Variants in RBM20 observed in about 807,000 individuals in gnomAD.
RBM20 encodes RNA-binding protein 20.
In RBM20, 51 loss-of-function variants were observed where a neutral mutation model predicts 110.1. That is an observed-to-expected ratio of 0.46 (90% confidence interval 0.37 to 0.59). RBM20 has a LOEUF of 0.59. RBM20 is among the 20% of genes least tolerant of loss of function. The pLI, the probability that RBM20 is intolerant of heterozygous loss-of-function variation, is 0.00. For missense variants in RBM20, 1,512 were observed against 1,574.9 expected (o/e 0.96, Z 0.68); for synonymous variants, 589 against 618.2 (o/e 0.95, Z 0.70).
intron 1 of RBM20, among the ~76,000 whole-genome samples, chr10:110,671,338 A>G (rs1308833657): frequency 6.6e-6 from 1 of 152,244 alleles, no homozygotes; most frequent in African/African-American, 2.4e-5. Flanking sequence ...TAAGCGTATG[A>G]ATATTTTTAT....
chr10:110,823,297 T>C (rs1844938087), intron 11 of RBM20, among the ~76,000 whole-genome samples, 183 bp from the exon 12 acceptor site: 1 of 152,142 alleles, frequency 6.6e-6, no homozygotes, highest in Non-Finnish European at 1.5e-5. Context: ...TGGAAAAAGC[T>C]CCTAATGACA....
At chr10:110,791,557 C>T (rs901132390) in intron 5 of RBM20, among the ~76,000 whole-genome samples, 1 of 152,194 alleles carries the variant, frequency 6.6e-6, no homozygotes, top group African/African-American at 2.4e-5. Context: ...AATGAAAGGT[C>T]TTAGAATCTT....
At chr10:110,668,602 G>A (rs10885009) in intron 1 of RBM20, among the ~76,000 whole-genome samples, 49,139 of 117,946 alleles carry the variant, frequency 0.42, 8,875 homozygotes, top group East Asian at 0.73. Flanking sequence ...TGGAGGGAGG[G>A]AGAGGAAAAA....
In RBM20 at chr10:110,655,793, G is replaced by T. The variant is rs552250782; in HGVS notation, c.191+11148G>T. Among the ~76,000 whole-genome samples the T allele has an allele frequency of 2.6e-4, 39 of 152,218 alleles. No homozygotes were observed. The South Asian group carries it at 5.8e-3, about 23-fold the overall frequency. ...ATTGTGCCTTTTGATCTGCGACAGG[G>T]TTTACAGTAAAAATCCTTTAAACCA... On this transcript the variant is annotated intron_variant, in intron 1 of 13. Coordinates refer to ENST00000369519, the MANE Select transcript of RBM20 (RefSeq NM_001134363.3).
intron 1 of RBM20, among the ~76,000 whole-genome samples, chr10:110,649,652 A>G (rs1356602996): frequency 6.6e-6 from 1 of 152,166 alleles, no homozygotes; most frequent in Non-Finnish European, 1.5e-5. Context: ...TCTAAATGAT[A>G]TTATTTGGTA....
At chr10:110,706,801 T>C (rs1193917161) in intron 1 of RBM20, among the ~76,000 whole-genome samples, 1 of 152,234 alleles carries the variant, frequency 6.6e-6, no homozygotes, top group East Asian at 1.9e-4. Flanking sequence ...TCCTTTTCTT[T>C]CTCTGTCTTG....
intron 1 of RBM20, among the ~76,000 whole-genome samples, chr10:110,677,217 A>C (rs914281221): frequency 6.6e-6 from 1 of 152,186 alleles, no homozygotes; most frequent in Non-Finnish European, 1.5e-5. Context: ...CCACTCTCAT[A>C]ATAACCCATT....
At chr10:110,746,240 G>T (rs1040861935) in intron 1 of RBM20, among the ~76,000 whole-genome samples, 2 of 152,128 alleles carry the variant, frequency 1.3e-5, no homozygotes, top group Admixed American at 1.3e-4. Flanking sequence ...TGAGGTAGAG[G>T]CTTGGAAGTT....
At chr10:110,799,761 G>A (rs1161196175) in intron 6 of RBM20, 26 bp from the exon 7 acceptor site, 7 of 1,546,058 alleles carry the variant, frequency 4.5e-6, no homozygotes, top group South Asian at 1.2e-5. Context: ...GTCAAGTCCA[G>A]TGAGTGTCCT....
rs377734576 is a variant in RBM20, at chr10:110,727,419, A to AAAAAATAAAAAAAAT, written c.192-53379_192-53378insAATAAAAAAAATAAA. Among the ~76,000 whole-genome samples, 44 of 146,792 alleles carry AAAAAATAAAAAAAAT rather than the reference A, an allele frequency of 3.0e-4. 1 individual carries two copies. Among genetic ancestry groups the AAAAAATAAAAAAAAT allele is most frequent in the Non-Finnish European group, 4.2e-4 (28 of 66,992 alleles). On this transcript the variant is annotated intron_variant, in intron 1 of 13. Coordinates refer to ENST00000369519, the MANE Select transcript of RBM20 (RefSeq NM_001134363.3). ...CGTCTCAAAAAATAAAAATAAAAAA[A>AAAAAATAAAAAAAAT]AAATAAATAAAAAGTCCATCCTGTT...
intron 7 of RBM20, among the ~76,000 whole-genome samples, chr10:110,809,636 G>A (rs1391126547): frequency 6.6e-6 from 1 of 152,142 alleles, no homozygotes; most frequent in East Asian, 1.9e-4. Flanking sequence ...TGGAGCCCTG[G>A]CTGCCTACTA....
rs760246427 is a variant in RBM20 at position 110,758,014 on chromosome 10, C to CTTTTTTTTTTTTTTT, written c.192-22777_192-22763dup. ...AGAAAAGACAGGCAAGATCCTTGTT[C>CTTTTTTTTTTTTTTT]TTTTTTTTTTTTTTTTTTTTTTTTG... On this transcript the variant is annotated intron_variant, in intron 1 of 13. Transcript: ENST00000369519. Among the ~76,000 whole-genome samples the CTTTTTTTTTTTTTTT allele has an allele frequency of 2.0e-4, 16 of 79,910 alleles. 4 individuals carry two copies. The highest frequency in any genetic ancestry group is 5.5e-4 in the Admixed American group (3 of 5,468). 52.4% of individuals were successfully genotyped at this position (79,910 alleles called of 152,430 possible). A position where few individuals can be genotyped will look rare whatever the true frequency, so the allele number is the denominator to read the frequency against.
At chr10:110,659,614 C>G (rs143999265) in intron 1 of RBM20, among the ~76,000 whole-genome samples, 1 of 152,332 alleles carries the variant, frequency 6.6e-6, no homozygotes, top group East Asian at 1.9e-4. Flanking sequence ...TCCTTAAAAC[C>G]TGCTTGCATC....
rs1844914032 is a variant in RBM20, at chr10:110,821,717, A to G, written c.3098A>G (p.Glu1033Gly). The change falls in exon 11 of 14, where the codon GAG becomes GGG. Residue 1033 changes from glutamate to glycine, a missense_variant. This residue lies in a region of RBM20 where 358 missense variants were observed against 384.2 expected (regional missense o/e 0.93). Coordinates refer to ENST00000369519, the MANE Select transcript of RBM20 (RefSeq NM_001134363.3). The stretch of plus-strand genomic sequence containing the variant: ...TACGAGAAGGAGGCAAAGGGAGTGG[A>G]GAGCTCAGATGTTCATCCAGCCCCT... The part of the protein sequence containing the change: ...DCYEKEAKGV[E>G]SSDVHPAPTV... 5 of 1,551,788 alleles carry G rather than the reference A, an allele frequency of 3.2e-6. No homozygotes were observed. The highest frequency in any genetic ancestry group is 3.5e-6 in the Non-Finnish European group (4 of 1,147,002).
At chr10:110,648,645 C>T (rs1861901979) in intron 1 of RBM20, among the ~76,000 whole-genome samples, 4 of 151,784 alleles carry the variant, frequency 2.6e-5, no homozygotes, top group Admixed American at 2.6e-4. Context: ...TCTTAAACTG[C>T]ACATAAGACA....
rs763141118 is a variant in RBM20 at position 110,836,044 on chromosome 10, C to A, written c.*66C>A. The A allele has an allele frequency of 3.0e-6, 2 of 674,242 alleles. No individual in the cohort carries two copies. The highest frequency in any genetic ancestry group is 1.9e-5 in the South Asian group (1 of 52,674). 41.8% of individuals were successfully genotyped at this position (674,242 alleles called of 1,614,324 possible). On this transcript the variant is annotated 3_prime_UTR_variant, in exon 14 of 14. Transcript: ENST00000369519. ...GAAAGGAGAGCTTGCTGAAGTGGGG[C>A]CTTCCTGATTCTGGGGACAGGACTA... is the stretch of plus-strand genomic sequence containing the variant.
At chr10:110,714,635 G>A (rs562982237) in intron 1 of RBM20, among the ~76,000 whole-genome samples, 53 of 152,392 alleles carry the variant, frequency 3.5e-4, no homozygotes, top group African/African-American at 1.2e-3. Flanking sequence ...AACAGCCTCT[G>A]GGAGCTGTGG....
intron 1 of RBM20, among the ~76,000 whole-genome samples, chr10:110,670,138 T>C (rs1253180698): frequency 3.3e-5 from 5 of 152,176 alleles, no homozygotes; most frequent in Non-Finnish European, 5.9e-5. Flanking sequence ...ATATTTACAG[T>C]TTGTTAAAGT....
intron 1 of RBM20, among the ~76,000 whole-genome samples, chr10:110,671,187 T>G (rs1166280118): frequency 2.0e-5 from 3 of 152,228 alleles, no homozygotes; most frequent in Admixed American, 6.5e-5. Context: ...ACCTCCTCAC[T>G]GAGCTGACTT....
Sources: gnomAD v4.1 joint callset for allele counts (sites outside exome capture counted in the v4.1 genomes callset) on GRCh38, gnomAD v4.1.1 for gene constraint, gnomAD v4.1.1 regional missense constraint, MANE v1.5 for transcripts, NCBI Gene and HGNC (gene_info 2026-07-23, HGNC 2026-07-21) for gene names.